HDAC9: variants seen among roughly 807,000 people sequenced by gnomAD.
HDAC9 encodes the protein MEF-2 interacting transcription repressor (MITR) protein.
A neutral mutation model predicts 139.4 loss-of-function variants in HDAC9; 41 were observed. The observed-to-expected ratio is 0.29, with a 90% CI of 0.23 to 0.38. HDAC9 has a LOEUF of 0.38. Among genes scored for constraint, HDAC9 ranks in the 10% least tolerant of loss-of-function variants. HDAC9 has a pLI of 1.00. For missense variants in HDAC9, 1,147 were observed against 1,297.0 expected (o/e 0.88, Z 1.78); for synonymous variants, 517 against 476.2 (o/e 1.09, Z -1.12).
At chr7:18,352,449 T>G (rs1361018369) in intron 1 of HDAC9, among the ~76,000 whole-genome samples, 1 of 152,142 alleles carries the variant, frequency 6.6e-6, no homozygotes, top group Non-Finnish European at 1.5e-5. Context: ...TGCAACACAG[T>G]TACTTGGTCC....
At chr7:18,252,313 G>T (rs889085041) in intron 2 of HDAC9, among the ~76,000 whole-genome samples, 1 of 152,196 alleles carries the variant, frequency 6.6e-6, no homozygotes, top group Admixed American at 6.5e-5. Context: ...TTGTCTGAAA[G>T]CAGAGAGCAT....
At chr7:18,568,026 G>GTGTGTATATATATATATATATATATA (rs1384273199) in intron 2 of HDAC9, among the ~76,000 whole-genome samples, 1 of 126,814 alleles carries the variant, frequency 7.9e-6, no homozygotes, top group African/African-American at 3.1e-5. Flanking sequence ...ATATGTATAT[G>GTGTGTATATATATATATATATATATA]TATATATATA....
chr7:18,293,290 A>T (rs1324395911), intron 1 of HDAC9, among the ~76,000 whole-genome samples: 1 of 147,594 alleles, frequency 6.8e-6, no homozygotes, highest in Non-Finnish European at 1.5e-5. Flanking sequence ...GGTCACTGTT[A>T]TGTCACATTC....
At chr7:18,194,972 G>T (rs890557694) in intron 2 of HDAC9, among the ~76,000 whole-genome samples, 2 of 151,676 alleles carry the variant, frequency 1.3e-5, no homozygotes, top group African/African-American at 4.8e-5. Flanking sequence ...GGTGTTCTTG[G>T]CATTATAAGG....
At chr7:18,666,618 A>G (rs889371903) in intron 12 of HDAC9, 142 bp downstream of exon 12, 3 of 1,462,968 alleles carry the variant, frequency 2.1e-6, no homozygotes, top group Non-Finnish European at 2.7e-6. Flanking sequence ...TAAGGATTCT[A>G]CCTAATGCAG....
At chr7:18,914,400 A>G (rs1436569016) in intron 22 of HDAC9, among the ~76,000 whole-genome samples, 3 of 151,958 alleles carry the variant, frequency 2.0e-5, no homozygotes, top group Non-Finnish European at 4.4e-5. Context: ...GAGACAAGAC[A>G]TGCAACAGCA....
At chr7:18,197,605 G>C (rs747371485) in intron 2 of HDAC9, among the ~76,000 whole-genome samples, 32 of 152,102 alleles carry the variant, frequency 2.1e-4, no homozygotes, top group Non-Finnish European at 4.3e-4. Flanking sequence ...ATTTGACTGA[G>C]GTTCTTCAGG....
At chr7:18,422,400 G>C (rs1562970926) in intron 1 of HDAC9, among the ~76,000 whole-genome samples, 1 of 152,302 alleles carries the variant, frequency 6.6e-6, no homozygotes, top group East Asian at 1.9e-4. Context: ...ATATTGTCAG[G>C]TGAGGTAGCC....
chr7:18,383,195 T>A (rs568041116), intron 1 of HDAC9, among the ~76,000 whole-genome samples: 1 of 152,300 alleles, frequency 6.6e-6, no homozygotes, highest in African/African-American at 2.4e-5. Context: ...GATATTAAAA[T>A]GCATATCATA....
At chr7:18,263,518 A>G (rs1322294523) in intron 2 of HDAC9, among the ~76,000 whole-genome samples, 4 of 152,130 alleles carry the variant, frequency 2.6e-5, no homozygotes, top group African/African-American at 9.7e-5. Context: ...CTGAGCTCAT[A>G]TGCCTTACCT....
intron 22 of HDAC9, among the ~76,000 whole-genome samples, chr7:18,925,825 T>A (rs1804171771): frequency 2.0e-5 from 3 of 151,910 alleles, no homozygotes; most frequent in Admixed American, 1.3e-4. Flanking sequence ...ATGTCTTTTT[T>A]AAAAACATTG....
intron 2 of HDAC9, among the ~76,000 whole-genome samples, chr7:18,505,174 A>G (rs963716191): frequency 6.6e-6 from 1 of 152,198 alleles, no homozygotes; most frequent in Non-Finnish European, 1.5e-5. Context: ...CAGAAGCAGC[A>G]TTCCTGATGC....
chr7:18,893,033 GAAAAAAA>G (rs71960483), intron 22 of HDAC9, among the ~76,000 whole-genome samples: 5 of 66,890 alleles, frequency 7.5e-5, no homozygotes, highest in Non-Finnish European at 1.1e-4. Flanking sequence ...GTAATAGGCC[GAAAAAAA>G]AAAAAAAAAA....
intron 23 of HDAC9, among the ~76,000 whole-genome samples, chr7:18,941,135 T>C (rs939891516): frequency 6.6e-6 from 1 of 151,220 alleles, no homozygotes; most frequent in African/African-American, 2.4e-5. Context: ...AAAATTTGGA[T>C]TCTGATTTCT....
intron 21 of HDAC9, among the ~76,000 whole-genome samples, chr7:18,864,449 G>A (rs1361890112): frequency 6.6e-6 from 1 of 151,800 alleles, no homozygotes; most frequent in Non-Finnish European, 1.5e-5. Flanking sequence ...GATCTGACCA[G>A]GGGAAAATGG....
chr7:18,520,585 G>C (rs1804721546), intron 2 of HDAC9, among the ~76,000 whole-genome samples: 1 of 152,138 alleles, frequency 6.6e-6, no homozygotes, highest in Non-Finnish European at 1.5e-5. Context: ...CCCTTCTGTT[G>C]AATATGATTT....
intron 21 of HDAC9, among the ~76,000 whole-genome samples, chr7:18,860,684 G>GAAATA (rs916232423): frequency 1.8e-4 from 27 of 152,214 alleles, no homozygotes; most frequent in African/African-American, 6.5e-4. Context: ...AAAAAAGGAA[G>GAAATA]ACGGAAGAAA....
At chr7:18,793,247 C>T in intron 16 of HDAC9, 98 bp from the exon 17 acceptor site, 1 of 796,744 alleles carries the variant, frequency 1.3e-6, no homozygotes, top group Non-Finnish European at 2.1e-6. Flanking sequence ...CTCTCTGTCC[C>T]TCTTCCCCTG....
chr7:18,249,075 C>T (rs1417250950), intron 2 of HDAC9, among the ~76,000 whole-genome samples: 2 of 152,112 alleles, frequency 1.3e-5, no homozygotes, highest in Non-Finnish European at 2.9e-5. Flanking sequence ...GCTATTATAC[C>T]AGTTTTCCCA....
Sources: allele counts gnomAD v4.1 joint callset (sites outside exome capture counted in the v4.1 genomes callset), GRCh38; gene constraint gnomAD v4.1.1; transcripts MANE v1.5; gene names NCBI Gene and HGNC (gene_info 2026-07-23, HGNC 2026-07-21).